GYG1: variants seen among roughly 807,000 people sequenced by gnomAD.
The protein encoded by GYG1 is glycogenin 1.
GYG1 carries 44 observed loss-of-function variants against 41.9 expected under a neutral mutation model. The ratio of observed to expected loss-of-function variants is 1.05; its 90% CI spans 0.83 to 1.35. The LOEUF (loss-of-function observed/expected upper bound fraction) is 1.35. GYG1 is among the 40% of genes most tolerant of loss of function. GYG1 has a pLI of 0.00. For synonymous variants in GYG1, 141 were observed against 158.1 expected (o/e 0.89, Z 0.81); for missense variants, 429 against 418.9 (o/e 1.02, Z -0.21).
At chr3:149,024,517 T>C (rs1457978874) in intron 6 of GYG1, among the ~76,000 whole-genome samples, 1 of 152,220 alleles carries the variant, frequency 6.6e-6, no homozygotes, top group Admixed American at 6.5e-5. Context: ...TACCCATATA[T>C]TTTAACTTTA....
chr3:149,004,499 G>A (rs887026343), intron 4 of GYG1, among the ~76,000 whole-genome samples: 6 of 151,928 alleles, frequency 3.9e-5, no homozygotes, highest in African/African-American at 1.2e-4. Flanking sequence ...TTCTGATGAC[G>A]TTAAAACATT....
At chr3:149,010,185 T>C (rs1395677063) in intron 5 of GYG1, among the ~76,000 whole-genome samples, 1 of 152,220 alleles carries the variant, frequency 6.6e-6, no homozygotes, top group Non-Finnish European at 1.5e-5. Flanking sequence ...AGCTCCTCCA[T>C]ATGTAAAACG....
chr3:149,024,020 CACTA>C (rs754678008), intron 5 of GYG1, 29 bp from the exon 6 acceptor site: 26 of 1,461,272 alleles, frequency 1.8e-5, no homozygotes, highest in South Asian at 5.7e-5. Flanking sequence ...ACTCAGAATC[CACTA>C]ACTGTTTCAA....
chr3:149,012,778 G>A (rs1178075743), intron 5 of GYG1, among the ~76,000 whole-genome samples: 2 of 152,066 alleles, frequency 1.3e-5, no homozygotes, highest in Non-Finnish European at 2.9e-5. Context: ...GCTTGGTTTA[G>A]TAATTTTTAA....
intron 5 of GYG1, among the ~76,000 whole-genome samples, chr3:149,020,961 G>A (rs1016978508): frequency 1.3e-5 from 2 of 152,178 alleles, no homozygotes; most frequent in Non-Finnish European, 2.9e-5. Flanking sequence ...GGATGGGGCA[G>A]TGCCTTCCCT....
chr3:149,019,747 G>A (rs1714268584), intron 5 of GYG1, among the ~76,000 whole-genome samples: 1 of 152,276 alleles, frequency 6.6e-6, no homozygotes, highest in Non-Finnish European at 1.5e-5. Flanking sequence ...CTGAGTCACA[G>A]TGAAATGCAG....
At chr3:148,994,363 C>T in intron 2 of GYG1, 86 bp downstream of exon 2, 1 of 1,417,628 alleles carries the variant, frequency 7.1e-7, no homozygotes, top group Admixed American at 1.7e-5. Flanking sequence ...TGAGGCCATG[C>T]TCTTTTCAGG....
chr3:149,025,484 C>A (rs1222030012), intron 6 of GYG1, among the ~76,000 whole-genome samples: 1 of 152,058 alleles, frequency 6.6e-6, no homozygotes, highest in Non-Finnish European at 1.5e-5. Context: ...GGGTTGGGGA[C>A]CCCTGTCATA....
At chr3:149,019,885 GTGTGGCGGT>G (rs1714275282) in intron 5 of GYG1, among the ~76,000 whole-genome samples, 1 of 152,244 alleles carries the variant, frequency 6.6e-6, no homozygotes, top group African/African-American at 2.4e-5. Flanking sequence ...TGAACCAGTC[GTGTGGCGGT>G]CCAGAGCCAT....
chr3:149,017,833 G>A (rs540275230), intron 5 of GYG1, among the ~76,000 whole-genome samples: 49 of 149,418 alleles, frequency 3.3e-4, no homozygotes, highest in Admixed American at 9.3e-4. Context: ...CGCTGGTCTC[G>A]CACTCCTGAA....
intron 5 of GYG1, 145 bp from the exon 6 acceptor site, chr3:149,023,908 C>T (rs2107921455): frequency 1.4e-6 from 1 of 710,896 alleles, no homozygotes; most frequent in Non-Finnish European, 2.6e-6. Flanking sequence ...AGTGAACTGT[C>T]ATGCTACTGC....
rs1362498259 is a variant in GYG1 at position 149,016,691 on chromosome 3, C to T, written c.608+7289C>T. Among the ~76,000 whole-genome samples, 10 of 152,268 alleles carry T rather than the reference C, an allele frequency of 6.6e-5. No homozygotes were observed. The East Asian group carries it at 1.9e-3, about 29-fold the overall frequency. On this transcript the variant is annotated intron_variant, in intron 5 of 7. Transcript: ENST00000345003. ...ATCTTCTAGTGATGGGATATGCACC[C>T]TTTGTGTTCCTCAGGCCCCACCTCA...
intron 4 of GYG1, among the ~76,000 whole-genome samples, chr3:149,005,200 T>C (rs889000313): frequency 1.3e-5 from 2 of 152,114 alleles, no homozygotes; most frequent in South Asian, 4.1e-4. Context: ...GGTAGTATAC[T>C]TCATAATAAA....
chr3:149,024,305 ATGC>A, intron 6 of GYG1, 33 bp downstream of exon 6: 2 of 1,284,896 alleles, frequency 1.6e-6, no homozygotes, highest in Non-Finnish European at 1.1e-6. Flanking sequence ...AGATCATTTA[ATGC>A]TGCTTTTTAA....
chr3:149,027,712 GA>G lies in GYG1; in HGVS notation c.*781del, dbSNP rs1240853231. ...ATTAGGGAATTTTTCACAATTTTTG[GA>G]ATTTGTCATAGTTTTAAAAAAGTGT... is the stretch of plus-strand genomic sequence containing the variant. On this transcript the variant is annotated 3_prime_UTR_variant, in exon 8 of 8. Coordinates refer to ENST00000345003, the MANE Select transcript of GYG1 (RefSeq NM_004130.4). The G allele has an allele frequency of 6.6e-6, 1 of 152,106 alleles. No homozygotes were observed. The highest frequency in any genetic ancestry group is 1.5e-5 in the Non-Finnish European group (1 of 68,012). 9.4% of individuals were successfully genotyped at this position (152,106 alleles called of 1,614,324 possible).
chr3:149,018,932 T>C (rs1254491880), intron 5 of GYG1, among the ~76,000 whole-genome samples: 2 of 151,994 alleles, frequency 1.3e-5, no homozygotes, highest in Non-Finnish European at 2.9e-5. Flanking sequence ...TAGCCAGTCA[T>C]AGTGGCCTGT....
chr3:149,030,304 T>C lies in GYG1; in HGVS notation c.*3371T>C, dbSNP rs1308964349. The C allele has an allele frequency of 1.3e-5, 2 of 152,078 alleles. No individual in the cohort carries two copies. The highest frequency in any genetic ancestry group is 2.4e-5 in the African/African-American group (1 of 41,430). The allele number at this position is 152,078 out of a possible 1,614,324, so 9.4% of individuals were successfully genotyped here. On this transcript the variant is annotated 3_prime_UTR_variant, in exon 8 of 8. Transcript: ENST00000345003. ...TTCATTCCAGTGGCTTTTTTATATA[T>C]TTATCCTTCTTAGGAAGGACAAATT... is the stretch of plus-strand genomic sequence containing the variant.
At chr3:149,009,539 C>T (rs565577076) in intron 5 of GYG1, 137 bp downstream of exon 5, 18 of 921,960 alleles carry the variant, frequency 2.0e-5, no homozygotes, top group South Asian at 1.6e-4. Flanking sequence ...TTGTAAGAAC[C>T]GTGGCTGCAA....
chr3:149,016,979 C>A (rs1300565555), intron 5 of GYG1, among the ~76,000 whole-genome samples: 1 of 152,310 alleles, frequency 6.6e-6, no homozygotes, highest in East Asian at 1.9e-4. Context: ...AAGTGTCGCA[C>A]AAGCAGTGCC....
Sources: allele counts gnomAD v4.1 joint callset (sites outside exome capture counted in the v4.1 genomes callset), GRCh38; gene constraint gnomAD v4.1.1; transcripts MANE v1.5; gene names NCBI Gene and HGNC (gene_info 2026-07-23, HGNC 2026-07-21).